The following AUTS2 variants were observed in gnomAD, a reference collection of about 807,000 sequenced individuals.
AUTS2 encodes the protein autism susceptibility gene 2 protein.
Under a neutral mutation model 112.4 loss-of-function variants are expected in AUTS2, and 17 were observed. The observed-to-expected ratio is 0.15, with a 90% CI of 0.10 to 0.23. The LOEUF (loss-of-function observed/expected upper bound fraction) is 0.23, where lower values mean the gene tolerates loss of function less well. Ranked by LOEUF, AUTS2 falls within the 10% of genes least tolerant of loss-of-function variation. The pLI is 1.00. For synonymous variants in AUTS2, 751 were observed against 702.7 expected (o/e 1.07, Z -1.09); for missense variants, 1,510 against 1,701.6 (o/e 0.89, Z 1.98).
chr7:70,553,751 C>CCTTT (rs750046417), intron 5 of AUTS2, among the ~76,000 whole-genome samples: 2 of 137,012 alleles, frequency 1.5e-5, no homozygotes, highest in Non-Finnish European at 3.1e-5. Flanking sequence ...GAGAAAGAGG[C>CCTTT]CTTTCTTTCT....
intron 4 of AUTS2, among the ~76,000 whole-genome samples, chr7:70,307,337 C>T (rs920511461): frequency 6.6e-6 from 1 of 152,182 alleles, no homozygotes; most frequent in African/African-American, 2.4e-5. Context: ...GAAGTGCAAG[C>T]ATCCATGATG....
intron 1 of AUTS2, among the ~76,000 whole-genome samples, chr7:69,872,860 T>TG (rs1793564614): frequency 6.9e-6 from 1 of 144,404 alleles, no homozygotes; most frequent in Admixed American, 6.9e-5. Context: ...TTTTTTTTTT[T>TG]GAGACAGAGT....
At chr7:70,164,345 A>G (rs1042782262) in intron 4 of AUTS2, among the ~76,000 whole-genome samples, 1 of 152,138 alleles carries the variant, frequency 6.6e-6, no homozygotes, top group Non-Finnish European at 1.5e-5. Context: ...CTTAGTTTAT[A>G]CTTTACTGAT....
Position 70,333,145 on chromosome 7 carries a change from C to T in AUTS2, c.661-102607C>T, listed in dbSNP as rs141841018. ...AGAAACAACCCCGTCAAAAAGTGGG[C>T]GAAGGATCTGAACAGACACTTCTCA... is the stretch of plus-strand genomic sequence containing the variant. On this transcript the variant is annotated intron_variant, in intron 4 of 18. Coordinates refer to ENST00000342771, the MANE Select transcript of AUTS2 (RefSeq NM_015570.4). Among the ~76,000 whole-genome samples the T allele has an allele frequency of 1.2e-3, 189 of 152,170 alleles. 1 individual carries two copies. The highest frequency in any genetic ancestry group is 0.011 in the East Asian group (55 of 5,178).
intron 1 of AUTS2, among the ~76,000 whole-genome samples, chr7:69,856,993 C>T (rs1414317791): frequency 1.3e-5 from 2 of 152,170 alleles, no homozygotes; most frequent in African/African-American, 4.8e-5. Context: ...TTCACGGCTC[C>T]AGAGGAGGGG....
At chr7:70,258,455 G>A (rs1249056422) in intron 4 of AUTS2, among the ~76,000 whole-genome samples, 1 of 152,182 alleles carries the variant, frequency 6.6e-6, no homozygotes, top group African/African-American at 2.4e-5. Flanking sequence ...AGTTAGAAAT[G>A]AATTGTGCTG....
chr7:70,753,141 G>A (rs904189163), intron 6 of AUTS2, among the ~76,000 whole-genome samples: 3 of 152,010 alleles, frequency 2.0e-5, no homozygotes, highest in Non-Finnish European at 4.4e-5. Flanking sequence ...CCCCTATCAG[G>A]GTTAATCTGC....
intron 5 of AUTS2, among the ~76,000 whole-genome samples, chr7:70,544,030 C>T (rs1800666236): frequency 6.6e-6 from 1 of 152,156 alleles, no homozygotes; most frequent in Non-Finnish European, 1.5e-5. Context: ...ATGTCTGCCC[C>T]AGTAAGCAGG....
At chr7:70,334,301 G>T (rs1343496844) in intron 4 of AUTS2, among the ~76,000 whole-genome samples, 1 of 152,132 alleles carries the variant, frequency 6.6e-6, no homozygotes. Context: ...AGCATGAATG[G>T]GTGTTGAATT....
intron 2 of AUTS2, among the ~76,000 whole-genome samples, chr7:69,981,198 A>T (rs187123409): frequency 2.0e-5 from 3 of 152,316 alleles, no homozygotes; most frequent in Admixed American, 1.3e-4. Context: ...GGTATGGTCC[A>T]CTGTGGTACA....
intron 1 of AUTS2, among the ~76,000 whole-genome samples, chr7:69,708,558 A>G (rs10247386): frequency 0.098 from 14,854 of 152,222 alleles, 1,143 homozygotes; most frequent in African/African-American, 0.21. Context: ...CATGCATGCA[A>G]GTGCTACATA....
chr7:70,608,675 G>C (rs1254418261), intron 5 of AUTS2, among the ~76,000 whole-genome samples: 1 of 152,210 alleles, frequency 6.6e-6, no homozygotes, highest in Admixed American at 6.5e-5. Context: ...GTGTGGGATT[G>C]GGAACCTCTG....
chr7:69,882,114 C>T (rs935279978), intron 1 of AUTS2, among the ~76,000 whole-genome samples: 3 of 143,404 alleles, frequency 2.1e-5, no homozygotes, highest in East Asian at 4.1e-4. Context: ...CAGGCCACTG[C>T]ACTCCAGCCT....
intron 1 of AUTS2, among the ~76,000 whole-genome samples, chr7:69,614,336 C>CTTTTCTTTCT (rs1554334331): frequency 2.1e-5 from 1 of 47,396 alleles, no homozygotes; most frequent in Non-Finnish European, 4.9e-5. Context: ...TTCTTTCTTT[C>CTTTTCTTTCT]TTTCTTTCTT....
intron 5 of AUTS2, among the ~76,000 whole-genome samples, chr7:70,671,140 C>T (rs1272700222): frequency 2.0e-5 from 3 of 149,900 alleles, no homozygotes; most frequent in Admixed American, 1.3e-4. Context: ...GCCAGGATTG[C>T]ACCACTGCAC....
intron 5 of AUTS2, among the ~76,000 whole-genome samples, chr7:70,575,072 G>GA (rs1366704546): frequency 6.6e-6 from 1 of 152,220 alleles, no homozygotes; most frequent in East Asian, 1.9e-4. Flanking sequence ...ACCAGAAAGG[G>GA]ATGTGTCAGG....
intron 1 of AUTS2, among the ~76,000 whole-genome samples, chr7:69,897,001 T>C (rs968142067): frequency 2.6e-5 from 4 of 152,248 alleles, no homozygotes; most frequent in African/African-American, 9.6e-5. Context: ...TTGATTAGTA[T>C]TTGTCCTGTA....
At position 70,007,391 on chromosome 7, in the gene AUTS2, G is replaced by T. The variant is rs182062541; in HGVS notation, c.522+107893G>T. ...TCCTTAATAACCACTCTTACATTTG[G>T]TATATTTCCTTGTAGCTTTTTTTTA... On this transcript the variant is annotated intron_variant, in intron 2 of 18. Transcript: ENST00000342771. 1.1e-4 allele frequency among the ~76,000 whole-genome samples: 16 copies of T among 151,890 alleles called. No individual in the cohort carries two copies. The East Asian group carries it at 3.1e-3, about 29-fold the overall frequency.
At chr7:70,062,868 C>T (rs1253556125) in intron 2 of AUTS2, among the ~76,000 whole-genome samples, 3 of 152,096 alleles carry the variant, frequency 2.0e-5, no homozygotes, top group East Asian at 3.9e-4. Flanking sequence ...TTGATTCTTC[C>T]TTATTAGGTC....
Sources: allele counts gnomAD v4.1 joint callset (sites outside exome capture counted in the v4.1 genomes callset), GRCh38; gene constraint gnomAD v4.1.1; transcripts MANE v1.5; gene names NCBI Gene and HGNC (gene_info 2026-07-23, HGNC 2026-07-21).